Variants in FBXO36 observed in about 807,000 individuals in gnomAD.
The protein encoded by FBXO36 is F-box protein 36.
In FBXO36, 18 loss-of-function variants were observed where a neutral mutation model predicts 17.0. The observed-to-expected ratio is 1.06, with a 90% CI of 0.73 to 1.57. The LOEUF is 1.57. Ranked by LOEUF, FBXO36 falls within the 40% of genes most tolerant of loss-of-function variation. The pLI is 0.00. For missense variants in FBXO36, 229 were observed against 221.9 expected, an observed-to-expected ratio of 1.03 and a Z score of -0.20; for synonymous variants, 83 against 85.3, an observed-to-expected ratio of 0.97 and a Z score of 0.15.
At chr2:229,964,360 A>T (rs746450947) in intron 1 of FBXO36, among the ~76,000 whole-genome samples, 1 of 152,112 alleles carries the variant, frequency 6.6e-6, no homozygotes. Flanking sequence ...TTCCTCTTCC[A>T]TCCCTAATTC....
intron 1 of FBXO36, among the ~76,000 whole-genome samples, chr2:229,967,553 T>C (rs1425161925): frequency 6.6e-6 from 1 of 152,222 alleles, no homozygotes; most frequent in East Asian, 1.9e-4. Context: ...ATATGTCCCA[T>C]CAATACCTAA....
chr2:229,961,400 G>A (rs938797556), intron 1 of FBXO36, among the ~76,000 whole-genome samples: 6 of 151,114 alleles, frequency 4.0e-5, no homozygotes, highest in South Asian at 2.1e-4. Flanking sequence ...TTTTTGAGAC[G>A]GCATCTTGCT....
chr2:229,981,008 T>C (rs2077236470), intron 2 of FBXO36, among the ~76,000 whole-genome samples: 1 of 152,122 alleles, frequency 6.6e-6, no homozygotes, highest in African/African-American at 2.4e-5. Context: ...AAGTCCTCTG[T>C]CTTCAGAGGA....
intron 1 of FBXO36, among the ~76,000 whole-genome samples, chr2:229,939,838 T>C (rs548864911): frequency 6.6e-5 from 10 of 152,218 alleles, no homozygotes; most frequent in Admixed American, 2.0e-4. Context: ...TCCCAGCACT[T>C]TGAGAGGCCA....
chr2:229,949,781 C>T lies in FBXO36; in HGVS notation c.97-26460C>T, dbSNP rs964884647. Among the ~76,000 whole-genome samples the T allele has an allele frequency of 2.6e-5, 4 of 152,068 alleles. No individual in the cohort carries two copies. The East Asian group carries it at 5.8e-4, about 22-fold the overall frequency. ...TCTACTAAAAATACCAAAAATTAGCCGGGCGTGGTGGCGGGCGCCTGTAGT... is the reference window on the plus strand; with the variant it reads ...TCTACTAAAAATACCAAAAATTAGCTGGGCGTGGTGGCGGGCGCCTGTAGT... On this transcript the variant is annotated intron_variant, in intron 1 of 3. Coordinates refer to ENST00000283946, the MANE Select transcript of FBXO36 (RefSeq NM_174899.5).
Position 229,996,843 on chromosome 2 carries a change from G to A in FBXO36, c.298G>A (p.Asp100Asn), listed in dbSNP as rs746894162. ...TGACTTCCTTGAACGGCTCTCAGAC[G>A]ATTTGCTCCTGACTATCATTTCTTA... is the stretch of plus-strand genomic sequence containing the variant. ...KFDFLERLSD[D>N]LLLTIISYLD... Residue 100 changes from aspartate to asparagine, a missense_variant, in exon 3 of 4, where the codon GAT (aspartate) becomes AAT (asparagine). Asp to Asn is a conservative substitution (Grantham distance 23). Coordinates refer to ENST00000283946, the MANE Select transcript of FBXO36 (RefSeq NM_174899.5). 33 of 1,613,896 alleles carry A rather than the reference G, an allele frequency of 2.0e-5. No individual in the cohort carries two copies. Among genetic ancestry groups the A allele is most frequent in the Admixed American group, 8.3e-5 (5 of 59,984 alleles).
intron 1 of FBXO36, among the ~76,000 whole-genome samples, chr2:229,955,529 A>AT (rs1491382591): frequency 6.6e-6 from 1 of 151,624 alleles, no homozygotes; most frequent in African/African-American, 2.4e-5. Flanking sequence ...AAAAAAAAAA[A>AT]GAGAGAGAAA....
At chr2:230,006,869 G>C (rs1311975005) in intron 3 of FBXO36, among the ~76,000 whole-genome samples, 1 of 152,146 alleles carries the variant, frequency 6.6e-6, no homozygotes, top group Non-Finnish European at 1.5e-5. Context: ...GACTGTGTAG[G>C]GACTCTGTGA....
intron 2 of FBXO36, among the ~76,000 whole-genome samples, chr2:229,989,071 T>C (rs917666577): frequency 1.3e-5 from 2 of 152,040 alleles, no homozygotes; most frequent in Admixed American, 1.3e-4. Context: ...CAGTGTGAGA[T>C]TGCTGGCCAA....
chr2:229,928,394 G>A (rs2076923425), intron 1 of FBXO36, among the ~76,000 whole-genome samples: 2 of 152,186 alleles, frequency 1.3e-5, no homozygotes, highest in Non-Finnish European at 2.9e-5. Context: ...ACTCTTAAGA[G>A]TTACAGATTT....
intron 1 of FBXO36, among the ~76,000 whole-genome samples, chr2:229,929,600 C>T (rs573167606): frequency 2.0e-5 from 3 of 151,014 alleles, no homozygotes; most frequent in Non-Finnish European, 3.0e-5. Context: ...CAGCCAGGCG[C>T]GGTGGCTCAT....
chr2:229,941,202 T>C (rs2076996581), intron 1 of FBXO36, among the ~76,000 whole-genome samples: 1 of 152,106 alleles, frequency 6.6e-6, no homozygotes, highest in African/African-American at 2.4e-5. Context: ...ACGCCTGTAA[T>C]TCCAGCACTT....
At position 229,950,387 on chromosome 2, in the gene FBXO36, C is replaced by T. The variant is rs900188793; in HGVS notation, c.97-25854C>T. 7.9e-5 allele frequency among the ~76,000 whole-genome samples: 12 copies of T among 152,056 alleles called. No homozygotes were observed. In the East Asian group the frequency reaches 1.5e-3, roughly 20 times the overall value. ...GTTGCAGTGAGCCGAGATCACTCCA[C>T]GGCACTCCAGACTGGGCAACAGAGC... On this transcript the variant is annotated intron_variant, in intron 1 of 3. Transcript: ENST00000283946.
intron 2 of FBXO36, chr2:229,977,097 G>A (rs185174537): frequency 6.6e-6 from 1 of 152,204 alleles, no homozygotes; most frequent in African/African-American, 2.4e-5. Context: ...GGCGGTTTCT[G>A]ACTGGGTAAA....
intron 2 of FBXO36, among the ~76,000 whole-genome samples, chr2:229,986,202 A>G (rs146934429): frequency 2.4e-4 from 37 of 152,308 alleles, no homozygotes; most frequent in African/African-American, 4.8e-4. Context: ...AATATGTTAT[A>G]TATTAACACA....
rs1210968983 is a variant in FBXO36, at chr2:229,976,348, A to G, written c.204A>G (p.Gln68=). 1.2e-6 allele frequency: 2 copies of G among 1,605,854 alleles called. No individual in the cohort carries two copies. Among genetic ancestry groups the G allele is most frequent in the African/African-American group, 2.7e-5 (2 of 74,750 alleles). The change falls in exon 2 of 4, where the codon CAA becomes CAG. Residue 68 remains glutamine, a splice_region_variant and synonymous_variant. Coordinates refer to ENST00000283946, the MANE Select transcript of FBXO36 (RefSeq NM_174899.5). ...ACTTCCTAGAGAATTCACATCTTCA[A>G]GGTAAGGAACGGAACATATTATATA... ...HEDFLENSHL[Q]GQTALIFGAR... is the part of the protein sequence containing the mutation.
At chr2:229,931,825 T>C (rs1391174001) in intron 1 of FBXO36, among the ~76,000 whole-genome samples, 1 of 152,010 alleles carries the variant, frequency 6.6e-6, no homozygotes, top group Non-Finnish European at 1.5e-5. Flanking sequence ...GGCGACAGAG[T>C]GAGACTTCAG....
intron 3 of FBXO36, among the ~76,000 whole-genome samples, chr2:230,007,256 G>A (rs2077391789): frequency 6.6e-6 from 1 of 152,246 alleles, no homozygotes; most frequent in African/African-American, 2.4e-5. Flanking sequence ...AGATGAGAAG[G>A]CTGAGGCCCA....
intron 1 of FBXO36, among the ~76,000 whole-genome samples, chr2:229,952,659 TG>T (rs1251029787): frequency 6.6e-6 from 1 of 152,128 alleles, no homozygotes; most frequent in African/African-American, 2.4e-5. Context: ...AAGGAGGTAG[TG>T]GCTGGACAGG....
Sources: allele counts gnomAD v4.1 joint callset (sites outside exome capture counted in the v4.1 genomes callset), GRCh38; gene constraint gnomAD v4.1.1; transcripts MANE v1.5; gene names NCBI Gene and HGNC (gene_info 2026-07-23, HGNC 2026-07-21).